Variants in RTN4 observed in about 807,000 individuals in gnomAD.
RTN4 encodes the protein reticulon 4.
In RTN4, 32 loss-of-function variants were observed where a neutral mutation model predicts 90.4. That is an observed-to-expected ratio of 0.35 (90% CI 0.27 to 0.48). The LOEUF is 0.48. Ranked by LOEUF, RTN4 falls within the 20% of genes least tolerant of loss-of-function variation. The pLI is 0.99. For synonymous variants in RTN4, 629 were observed against 552.5 expected, an observed-to-expected ratio of 1.14 and a Z score of -1.94; for missense variants, 1,706 against 1,430.2, an observed-to-expected ratio of 1.19 and a Z score of -3.11.
At chr2:55,127,917 T>A in the RTN4 span, among the ~76,000 whole-genome samples, 7 of 144,516 alleles carry the variant, frequency 4.8e-5, no homozygotes, top group African/African-American at 1.8e-4. Context: ...CTGTGATGGC[T>A]TTTTTTTTTT....
chr2:55,067,105 T>C (rs1361549805), intron 2 of RTN4, among the ~76,000 whole-genome samples: 2 of 152,200 alleles, frequency 1.3e-5, no homozygotes, highest in Non-Finnish European at 2.9e-5. Context: ...TATAAATTAG[T>C]ATTACAAAAA....
At chr2:55,041,312 T>A in intron 1 of RTN4, among the ~76,000 whole-genome samples, 1 of 152,186 alleles carries the variant, frequency 6.6e-6, no homozygotes, top group Non-Finnish European at 1.5e-5. Flanking sequence ...CAACACCGAA[T>A]GTATTTCAAT....
intron 2 of RTN4, among the ~76,000 whole-genome samples, chr2:55,061,795 C>G (rs1214778210): frequency 5.3e-5 from 8 of 152,112 alleles, no homozygotes; most frequent in Admixed American, 5.2e-4. Flanking sequence ...GGCGAGGGCT[C>G]CACCCCCGGT....
intron 4 of RTN4, among the ~76,000 whole-genome samples, chr2:54,985,368 C>T (rs939493031): frequency 6.6e-6 from 1 of 151,840 alleles, no homozygotes; most frequent in Non-Finnish European, 1.5e-5. Flanking sequence ...CTATGTTGCC[C>T]AGGGTGGTCT....
At chr2:55,129,975 T>C in the RTN4 span, among the ~76,000 whole-genome samples, 4 of 152,238 alleles carry the variant, frequency 2.6e-5, no homozygotes, top group African/African-American at 9.6e-5. Flanking sequence ...ATGTGCATGC[T>C]CTTTGATCCT....
intron 3 of RTN4, among the ~76,000 whole-genome samples, chr2:55,007,557 T>G (rs1262235432): frequency 1.3e-5 from 2 of 152,164 alleles, no homozygotes; most frequent in African/African-American, 4.8e-5. Flanking sequence ...GGTAAGTTTC[T>G]TATTCTAGCC....
chr2:55,105,266 G>A (rs1231264846), intron 1 of RTN4, among the ~76,000 whole-genome samples: 1 of 111,352 alleles, frequency 9.0e-6, no homozygotes, highest in Non-Finnish European at 1.7e-5. Flanking sequence ...GTCTCACTCT[G>A]TCACCCAAGC....
intron 5 of RTN4, among the ~76,000 whole-genome samples, chr2:54,978,431 C>CAAAAAAAAAAAAAAAAAA (rs10718270): frequency 1.2e-5 from 1 of 81,124 alleles, no homozygotes; most frequent in Non-Finnish European, 2.4e-5. Context: ...ACTCTATCTC[C>CAAAAAAAAAAAAAAAAAA]AAAAAAAAAA....
intron 1 of RTN4, among the ~76,000 whole-genome samples, chr2:55,090,230 C>G (rs1013899149): frequency 1.3e-5 from 2 of 152,070 alleles, no homozygotes; most frequent in African/African-American, 4.8e-5. Context: ...TATGATAAGG[C>G]CATAGAACTA....
intron 3 of RTN4, among the ~76,000 whole-genome samples, chr2:54,992,808 G>A (rs1022577839): frequency 5.3e-5 from 8 of 151,962 alleles, no homozygotes; most frequent in Non-Finnish European, 7.4e-5. Flanking sequence ...GGTGGCTCAC[G>A]CCTGTAATCT....
intron 3 of RTN4, among the ~76,000 whole-genome samples, chr2:54,998,175 T>G (rs1308939975): frequency 1.4e-5 from 2 of 148,090 alleles, no homozygotes; most frequent in East Asian, 4.1e-4. Flanking sequence ...GATAAGTGAT[T>G]GTCAGGGGCT....
At chr2:55,067,451 T>G (rs2105012114) in intron 2 of RTN4, among the ~76,000 whole-genome samples, 1 of 150,768 alleles carries the variant, frequency 6.6e-6, no homozygotes. Flanking sequence ...CTTGTTCTGT[T>G]ACCCAGACTG....
At chr2:55,024,079 A>G (rs1427325054) in intron 3 of RTN4, among the ~76,000 whole-genome samples, 1 of 152,138 alleles carries the variant, frequency 6.6e-6, no homozygotes, top group South Asian at 2.1e-4. Context: ...CATATCCAAA[A>G]CCAAATTTGT....
chr2:55,134,098 C>T, the RTN4 span, among the ~76,000 whole-genome samples: 5 of 152,148 alleles, frequency 3.3e-5, no homozygotes, highest in African/African-American at 1.2e-4. Context: ...CAGACGGTTG[C>T]CATGGCTTTT....
upstream of RTN4, among the ~76,000 whole-genome samples, chr2:55,115,908 G>C (rs1007143911): frequency 6.6e-6 from 1 of 152,066 alleles, no homozygotes; most frequent in Non-Finnish European, 1.5e-5. Context: ...TGATGACTCA[G>C]TGCTGCAGAA....
intron 2 of RTN4, among the ~76,000 whole-genome samples, chr2:55,072,473 C>T (rs1668533959): frequency 6.6e-6 from 1 of 152,220 alleles, no homozygotes; most frequent in African/African-American, 2.4e-5. Context: ...TCGTGATCCG[C>T]CTGCCTCAGC....
intron 1 of RTN4, among the ~76,000 whole-genome samples, chr2:55,030,342 T>G (rs1341834997): frequency 6.6e-6 from 1 of 152,168 alleles, no homozygotes; most frequent in Non-Finnish European, 1.5e-5. Flanking sequence ...AAGAAAAATC[T>G]TCATTTTGTA....
intron 1 of RTN4, among the ~76,000 whole-genome samples, chr2:55,090,003 G>A (rs1668909116): frequency 6.6e-6 from 1 of 152,212 alleles, no homozygotes; most frequent in Non-Finnish European, 1.5e-5. Flanking sequence ...TTAAAGTTGA[G>A]AAAGGCTTAC....
At chr2:55,017,079 C>T (rs1317576546) in intron 3 of RTN4, among the ~76,000 whole-genome samples, 2 of 152,066 alleles carry the variant, frequency 1.3e-5, no homozygotes, top group East Asian at 1.9e-4. Context: ...CCTTTATTAA[C>T]AAGAGTCAGG....
Sources: gnomAD v4.1 joint callset for allele counts (sites outside exome capture counted in the v4.1 genomes callset) on GRCh38, gnomAD v4.1.1 for gene constraint, MANE v1.5 for transcripts, NCBI Gene and HGNC (gene_info 2026-07-23, HGNC 2026-07-21) for gene names.